KANK1: variants seen among roughly 807,000 people sequenced by gnomAD.
The protein encoded by KANK1 is KN motif and ankyrin repeat domains 1.
A neutral mutation model predicts 106.2 loss-of-function variants in KANK1; 109 were observed. The ratio of observed to expected loss-of-function variants is 1.03; its 90% CI spans 0.88 to 1.20. The LOEUF (loss-of-function observed/expected upper bound fraction) is 1.20. Ranked by LOEUF, KANK1 falls within the 50% of genes most tolerant of loss-of-function variation. The probability of loss-of-function intolerance (pLI) is 0.00; values close to 1 mark genes in which losing one functional copy is unlikely to be tolerated. For synonymous variants in KANK1, 873 were observed against 652.2 expected, an observed-to-expected ratio of 1.34 and a Z score of -5.16; for missense variants, 2,399 against 1,710.7, an observed-to-expected ratio of 1.40 and a Z score of -7.10.
chr9:740,980 CA>C, intron 9 of KANK1, 46 bp downstream of exon 9: 1 of 1,605,544 alleles, frequency 6.2e-7, no homozygotes, highest in Middle Eastern at 1.7e-4. Flanking sequence ...CCGTAACCAG[CA>C]GACAGGACTG....
At chr9:478,062 T>G (rs1351923342) in intron 3 of KANK1, 1 of 205,594 alleles carries the variant, frequency 4.9e-6, no homozygotes, top group Admixed American at 5.5e-5. Flanking sequence ...ACAGACAGGC[T>G]CAGACTGAGG....
intron 1 of KANK1, among the ~76,000 whole-genome samples, chr9:523,495 A>G (rs7853150): frequency 0.12 from 18,381 of 151,652 alleles, 1,931 homozygotes; most frequent in African/African-American, 0.25. Context: ...CAAAAGTCAC[A>G]TTGTGGCACT....
intron 1 of KANK1, among the ~76,000 whole-genome samples, chr9:633,757 G>A (rs6477051): frequency 0.15 from 22,568 of 152,008 alleles, 1,819 homozygotes; most frequent in Admixed American, 0.17. Flanking sequence ...GACTCAAAGG[G>A]TGTTCCTGCC....
intron 3 of KANK1, among the ~76,000 whole-genome samples, chr9:728,846 A>C (rs1391311061): frequency 1.3e-5 from 2 of 152,186 alleles, no homozygotes; most frequent in South Asian, 2.1e-4. Flanking sequence ...AGTATCTTTG[A>C]ATCTACCGAA....
At chr9:553,919 T>G (rs1466081337) in intron 1 of KANK1, among the ~76,000 whole-genome samples, 1 of 152,208 alleles carries the variant, frequency 6.6e-6, no homozygotes, top group African/African-American at 2.4e-5. Context: ...GTTCTCAAAC[T>G]TTAGCGTGCA....
intron 3 of KANK1, among the ~76,000 whole-genome samples, chr9:722,748 A>T (rs1829686456): frequency 6.6e-6 from 1 of 152,220 alleles, no homozygotes; most frequent in South Asian, 2.1e-4. Context: ...TTTCCTTACC[A>T]GTTAAGCCTC....
intron 1 of KANK1, among the ~76,000 whole-genome samples, chr9:533,276 T>G (rs1366828711): frequency 6.6e-6 from 1 of 152,220 alleles, no homozygotes; most frequent in Admixed American, 6.5e-5. Context: ...ATCGTAGATA[T>G]TAAGCCTAGG....
chr9:692,926 C>G (rs1042195302), intron 2 of KANK1, among the ~76,000 whole-genome samples: 9 of 152,152 alleles, frequency 5.9e-5, no homozygotes, highest in African/African-American at 2.2e-4. Flanking sequence ...CACATGAGCC[C>G]AGGAGGTTGA....
At chr9:598,620 C>CTTTTTTTTTTTTTTGTTTTTTTTTTTTTT (rs1826845377) in intron 1 of KANK1, among the ~76,000 whole-genome samples, 1 of 46,660 alleles carries the variant, frequency 2.1e-5, no homozygotes, top group African/African-American at 6.8e-5. Flanking sequence ...TGTTGGTTTT[C>CTTTTTTTTTTTTTTGTTTTTTTTTTTTTT]TTTTTTTTTT....
chr9:563,664 G>C (rs1310317315), intron 1 of KANK1, among the ~76,000 whole-genome samples: 1 of 152,330 alleles, frequency 6.6e-6, no homozygotes, highest in East Asian at 1.9e-4. Flanking sequence ...AGAAGTGTCA[G>C]TGAAATTGAG....
At chr9:508,362 C>G (rs904188124) in intron 1 of KANK1, among the ~76,000 whole-genome samples, 5 of 152,100 alleles carry the variant, frequency 3.3e-5, no homozygotes, top group African/African-American at 9.7e-5. Context: ...GTCTCGAACT[C>G]CCGACCTCAG....
At chr9:649,270 T>C (rs1477324670) in intron 1 of KANK1, among the ~76,000 whole-genome samples, 5 of 152,180 alleles carry the variant, frequency 3.3e-5, no homozygotes, top group Admixed American at 3.3e-4. Flanking sequence ...GGAGATTATA[T>C]GTCCCAGTTT....
chr9:713,340 G>A lies in KANK1; in HGVS notation c.2574G>A (p.Gln858=), dbSNP rs751379930. 6 of 1,614,174 alleles carry A rather than the reference G, an allele frequency of 3.7e-6. No individual in the cohort carries two copies. The highest frequency in any genetic ancestry group is 5.1e-6 in the Non-Finnish European group (6 of 1,180,026). The change falls in exon 3 of 12, where the codon CAG becomes CAA. Residue 858 remains glutamine, a synonymous_variant. Coordinates refer to ENST00000382297, the MANE Select transcript of KANK1 (RefSeq NM_015158.5). ...LAEAFGEPHS[Q]MGSLNSQLIS... ...AAGCTTTCGGGGAACCTCACTCACA[G>A]ATGGGCTCCCTCAACTCTCAGCTCA...
At chr9:555,866 C>T (rs2061552639) in intron 1 of KANK1, among the ~76,000 whole-genome samples, 1 of 152,160 alleles carries the variant, frequency 6.6e-6, no homozygotes, top group African/African-American at 2.4e-5. Flanking sequence ...ATGCCGACAA[C>T]CCCTTCTGTT....
At chr9:470,336 G>T (rs150418289) in exon 1 of KANK1, 1 of 152,408 alleles carries the variant, frequency 6.6e-6, no homozygotes, top group African/African-American at 2.4e-5. Flanking sequence ...GCTCCAGCCT[G>T]CTCAGCAGCG....
chr9:563,102 T>A (rs28688556), intron 1 of KANK1, among the ~76,000 whole-genome samples: 58 of 152,308 alleles, frequency 3.8e-4, no homozygotes, highest in African/African-American at 1.3e-3. Flanking sequence ...TTTTTGGTTA[T>A]TTAAGAGGAA....
chr9:637,822 G>A (rs995328447), intron 1 of KANK1, among the ~76,000 whole-genome samples: 1 of 152,084 alleles, frequency 6.6e-6, no homozygotes, highest in African/African-American at 2.4e-5. Context: ...ATTAGACTGG[G>A]ACAGATGGGA....
At position 561,320 on chromosome 9, in the gene KANK1, A is replaced by G. The variant is rs376344656; in HGVS notation, c.-84+56566A>G. Reference sequence around the variant, plus strand: ...ATTTAGTAATCACTTTTTTCACTTGATAGAGCATGTATATCTTATGTAACT... The same window carrying G: ...ATTTAGTAATCACTTTTTTCACTTGGTAGAGCATGTATATCTTATGTAACT... On this transcript the variant is annotated intron_variant, in intron 1 of 11. Transcript: ENST00000382297. Among the ~76,000 whole-genome samples, 3 of 152,200 alleles carry G rather than the reference A, an allele frequency of 2.0e-5. No individual in the cohort carries two copies. In the East Asian group the frequency reaches 5.8e-4, roughly 29 times the overall value.
At chr9:722,459 C>T (rs149588630) in intron 3 of KANK1, among the ~76,000 whole-genome samples, 2,196 of 152,162 alleles carry the variant, frequency 0.014, 53 homozygotes, top group African/African-American at 0.049. Flanking sequence ...AGGGTTGAAA[C>T]GACTGAATTT....
Sources: allele counts gnomAD v4.1 joint callset (sites outside exome capture counted in the v4.1 genomes callset), GRCh38; gene constraint gnomAD v4.1.1; transcripts MANE v1.5; gene names NCBI Gene and HGNC (gene_info 2026-07-23, HGNC 2026-07-21).